The following BAIAP2 variants were observed in gnomAD, a reference collection of about 807,000 sequenced individuals.
The protein encoded by BAIAP2 is BAR/IMD domain-containing adapter protein 2.
In BAIAP2, 18 loss-of-function variants were observed where a neutral mutation model predicts 63.0. The ratio of observed to expected loss-of-function variants is 0.29; its 90% CI spans 0.20 to 0.42. The LOEUF is 0.42. BAIAP2 is among the 10% of genes least tolerant of loss of function. BAIAP2 has a pLI of 1.00. For synonymous variants in BAIAP2, 386 were observed against 307.6 expected (o/e 1.25, Z -2.67); for missense variants, 610 against 734.3 (o/e 0.83, Z 1.96).
intron 3 of BAIAP2, among the ~76,000 whole-genome samples, chr17:81,074,589 G>T (rs1651570539): frequency 6.6e-6 from 1 of 150,422 alleles, no homozygotes; most frequent in Non-Finnish European, 1.5e-5. Context: ...ATGTGTGAGT[G>T]CCTGTGTGTG....
intron 6 of BAIAP2, among the ~76,000 whole-genome samples, chr17:81,098,642 T>C (rs1034487831): frequency 1.3e-5 from 2 of 152,078 alleles, no homozygotes; most frequent in African/African-American, 4.8e-5. Flanking sequence ...CTCTGTCAGG[T>C]TGAGACTCAG....
chr17:81,110,820 TCTC>T, intron 13 of BAIAP2: 1 of 1,506,226 alleles, frequency 6.6e-7, no homozygotes, highest in South Asian at 1.1e-5. Context: ...GGGTTCTAGG[TCTC>T]CTGGCAGCTC....
At chr17:81,065,665 G>A (rs768969034) in intron 3 of BAIAP2, among the ~76,000 whole-genome samples, 1 of 152,224 alleles carries the variant, frequency 6.6e-6, no homozygotes, top group Non-Finnish European at 1.5e-5. Flanking sequence ...TCCCCCACCC[G>A]AGGCTGGGCG....
chr17:81,061,312 A>G (rs1170663882), intron 3 of BAIAP2, among the ~76,000 whole-genome samples: 1 of 152,192 alleles, frequency 6.6e-6, no homozygotes, highest in Non-Finnish European at 1.5e-5. Context: ...GACTGTTTGT[A>G]CAACTTCATC....
intron 4 of BAIAP2, chr17:81,085,298 G>A (rs2055378178): frequency 1.2e-5 from 6 of 515,850 alleles, no homozygotes; most frequent in South Asian, 2.0e-5. Flanking sequence ...TCTAAAGCCA[G>A]GGGTCTGACC....
intron 6 of BAIAP2, among the ~76,000 whole-genome samples, chr17:81,095,775 T>TCACAC (rs2057514829): frequency 6.6e-6 from 1 of 151,980 alleles, no homozygotes; most frequent in East Asian, 1.9e-4. Flanking sequence ...TTCCCCTGGG[T>TCACAC]TTCTCTTGTG....
chr17:81,045,251 A>G (rs1164528009), intron 1 of BAIAP2, among the ~76,000 whole-genome samples: 5 of 152,198 alleles, frequency 3.3e-5, no homozygotes, highest in Admixed American at 1.3e-4. Flanking sequence ...CAGGTGTCCA[A>G]GGCCCATGGA....
intron 3 of BAIAP2, among the ~76,000 whole-genome samples, chr17:81,067,668 G>A (rs767804182): frequency 4.6e-5 from 7 of 152,216 alleles, no homozygotes; most frequent in Non-Finnish European, 8.8e-5. Flanking sequence ...CTCAGCAAGA[G>A]GCTCTGAGGC....
intron 4 of BAIAP2, 97 bp from the exon 5 acceptor site, chr17:81,085,557 C>T (rs567652139): frequency 1.2e-5 from 12 of 1,003,134 alleles, no homozygotes; most frequent in South Asian, 5.2e-5. Flanking sequence ...CCGGGACACC[C>T]GGTGTCTCGT....
rs959439765 is a variant in BAIAP2, at chr17:81,116,526, G to C, written c.*687G>C. 1 of 617,564 alleles carries C rather than the reference G, an allele frequency of 1.6e-6. No homozygotes were observed. Among genetic ancestry groups the C allele is most frequent in the African/African-American group, 1.9e-5 (1 of 53,960 alleles). 38.3% of individuals were successfully genotyped at this position (617,564 alleles called of 1,614,324 possible). ...CCTTGCTGCCAGGGCCTCCCAGCTC[G>C]CTCCTGCGGCCAAAGGCCAGCTGTC... On this transcript the variant is annotated 3_prime_UTR_variant, in exon 14 of 14. Coordinates refer to ENST00000428708, the MANE Select transcript of BAIAP2 (RefSeq NM_001144888.2).
At chr17:81,086,669 C>A in intron 6 of BAIAP2, 89 bp downstream of exon 6, 1 of 1,463,064 alleles carries the variant, frequency 6.8e-7, no homozygotes, top group Non-Finnish European at 9.4e-7. Context: ...GAGTGGACAG[C>A]AGCCCCCCAG....
At chr17:81,084,039 C>T (rs2055119515) in intron 3 of BAIAP2, 1 of 152,222 alleles carries the variant, frequency 6.6e-6, no homozygotes, top group Non-Finnish European at 1.5e-5. Flanking sequence ...TCGTTGATGT[C>T]CAGGCTGCAA....
In BAIAP2 at chr17:81,103,596, A is replaced by T. The variant is rs752217288; in HGVS notation, c.737A>T (p.Gln246Leu). Residue 246 changes from glutamine to leucine, a missense_variant, in exon 8 of 14, where the codon CAG becomes CTG. Coordinates refer to ENST00000428708, the MANE Select transcript of BAIAP2 (RefSeq NM_001144888.2). Reference protein sequence around the residue: ...IPERAVQLMQQVASNGATLPS... With the variant: ...IPERAVQLMQLVASNGATLPS... ...GAGCGCGCGGTGCAGCTCATGCAGC[A>T]GGTGGCCAGCAACGGCGCCACCCTC... 1 of 1,605,078 alleles carries T rather than the reference A, an allele frequency of 6.2e-7. No homozygotes were observed. Among genetic ancestry groups the T allele is most frequent in the Admixed American group, 1.7e-5 (1 of 59,938 alleles).
chr17:81,091,993 G>C (rs2056850976), intron 6 of BAIAP2, among the ~76,000 whole-genome samples: 1 of 152,272 alleles, frequency 6.6e-6, no homozygotes, highest in Non-Finnish European at 1.5e-5. Context: ...CCATCTACAG[G>C]GCCCCCCACC....
At chr17:81,070,294 G>A (rs1344639444) in intron 3 of BAIAP2, among the ~76,000 whole-genome samples, 1 of 152,190 alleles carries the variant, frequency 6.6e-6, no homozygotes, top group African/African-American at 2.4e-5. Context: ...TGCCCATGAA[G>A]AAAGGAACAG....
intron 11 of BAIAP2, 79 bp from the exon 12 acceptor site, chr17:81,106,666 C>A: frequency 1.3e-6 from 2 of 1,549,720 alleles, no homozygotes; most frequent in Non-Finnish European, 1.8e-6. Context: ...TGAGGGCGGG[C>A]AGTCCAGGGA....
At chr17:81,081,930 CA>C (rs1263947967) in intron 3 of BAIAP2, among the ~76,000 whole-genome samples, 1 of 152,156 alleles carries the variant, frequency 6.6e-6, no homozygotes, top group Non-Finnish European at 1.5e-5. Flanking sequence ...GATTTCCAGG[CA>C]GGGGCAGGCC....
At chr17:81,102,151 C>T (rs1177418629) in intron 7 of BAIAP2, among the ~76,000 whole-genome samples, 3 of 152,182 alleles carry the variant, frequency 2.0e-5, no homozygotes, top group Non-Finnish European at 4.4e-5. Flanking sequence ...TCCCACAGAC[C>T]CACTTAGAGA....
intron 13 of BAIAP2, chr17:81,111,007 C>T: frequency 6.2e-7 from 1 of 1,608,160 alleles, no homozygotes; most frequent in Non-Finnish European, 8.5e-7. Flanking sequence ...TCCAGTGGTT[C>T]TCCACGGGCC....
Sources: allele counts gnomAD v4.1 joint callset (sites outside exome capture counted in the v4.1 genomes callset), GRCh38; gene constraint gnomAD v4.1.1; transcripts MANE v1.5; gene names NCBI Gene and HGNC (gene_info 2026-07-23, HGNC 2026-07-21).